The following RP1 variants were observed in gnomAD, a reference collection of about 807,000 sequenced individuals.
RP1 encodes RP1 axonemal microtubule associated.
RP1 carries 16 observed loss-of-function variants against 14.8 expected under a neutral mutation model. That is an observed-to-expected ratio of 1.08 (90% CI 0.73 to 1.65). The LOEUF (loss-of-function observed/expected upper bound fraction) is 1.65, where lower values mean the gene tolerates loss of function less well. RP1 is among the 40% of genes most tolerant of loss of function. The pLI is 0.00. For synonymous variants in RP1, 876 were observed against 883.6 expected (o/e 0.99, Z 0.15); for missense variants, 2,631 against 2,535.0 (o/e 1.04, Z -0.81).
chr8:54,758,688 G>A lies in RP1; in HGVS notation c.3094-234G>A, dbSNP rs368184770. Among the ~76,000 whole-genome samples, 90 of 152,254 alleles carry A rather than the reference G, an allele frequency of 5.9e-4. 1 individual carries two copies. Among genetic ancestry groups the A allele is most frequent in the African/African-American group, 1.7e-3 (70 of 41,544 alleles). The stretch of plus-strand genomic sequence containing the variant: ...GTTACTCTGGATGCTACTACAAATG[G>A]AGAAAATAAAACTGCAAGAGTGAAA... On this transcript the variant is annotated intron_variant, in intron 21 of 22. Transcript: ENST00000636932.
At chr8:54,720,005 A>C (rs1482082216) in intron 15 of RP1, 2 of 787,642 alleles carry the variant, frequency 2.5e-6, no homozygotes, top group East Asian at 2.8e-5. Flanking sequence ...TTACGTAAAA[A>C]GGCTCTAGAT....
chr8:54,722,838 G>A (rs1808568411), intron 16 of RP1, among the ~76,000 whole-genome samples: 1 of 152,148 alleles, frequency 6.6e-6, no homozygotes, highest in African/African-American at 2.4e-5. Flanking sequence ...GTTGCCCCCA[G>A]ACATGCAATC....
intron 19 of RP1, among the ~76,000 whole-genome samples, chr8:54,749,732 C>A (rs1809312790): frequency 6.6e-6 from 1 of 152,050 alleles, no homozygotes; most frequent in South Asian, 2.1e-4. Flanking sequence ...TTAGGGAAAG[C>A]AGACAAGGAT....
At chr8:54,837,676 A>C in intron 25 of RP1, 4 of 1,216,424 alleles carry the variant, frequency 3.3e-6, no homozygotes, top group Non-Finnish European at 4.1e-6. Context: ...CCAGGTATAT[A>C]ATTTCATTTC....
chr8:54,695,307 A>C (rs984101679), intron 12 of RP1, among the ~76,000 whole-genome samples: 4 of 152,092 alleles, frequency 2.6e-5, no homozygotes, highest in Non-Finnish European at 5.9e-5. Flanking sequence ...TATTTATAAA[A>C]TACTTAACTG....
At chr8:54,602,562 TG>T (rs1805318141) in intron 1 of RP1, among the ~76,000 whole-genome samples, 1 of 152,196 alleles carries the variant, frequency 6.6e-6, no homozygotes, top group South Asian at 2.1e-4. Context: ...AGTAATGGGA[TG>T]GCTGGGTCAA....
intron 1 of RP1, among the ~76,000 whole-genome samples, chr8:54,585,287 T>A (rs962873276): frequency 8.5e-5 from 13 of 152,330 alleles, no homozygotes; most frequent in African/African-American, 2.6e-4. Flanking sequence ...AAATTCTGGG[T>A]TGAAAATTCT....
At chr8:54,863,419 G>A (rs1006809115) in intron 27 of RP1, among the ~76,000 whole-genome samples, 2 of 152,058 alleles carry the variant, frequency 1.3e-5, no homozygotes, top group Admixed American at 6.6e-5. Flanking sequence ...ACCTAATGAC[G>A]CCTTTCTCAG....
chr8:54,807,913 C>A (rs1810897169), intron 24 of RP1, among the ~76,000 whole-genome samples: 1 of 151,692 alleles, frequency 6.6e-6, no homozygotes. Context: ...TTTGATGAGA[C>A]CCGTCCACAT....
intron 1 of RP1, among the ~76,000 whole-genome samples, chr8:54,584,614 C>T (rs140573279): frequency 0.021 from 3,184 of 152,104 alleles, 115 homozygotes; most frequent in African/African-American, 0.072. Flanking sequence ...TAAAGTCTCC[C>T]GTTATTATTG....
At chr8:54,584,014 G>A (rs1173534157) in intron 1 of RP1, among the ~76,000 whole-genome samples, 1 of 151,952 alleles carries the variant, frequency 6.6e-6, no homozygotes, top group Non-Finnish European at 1.5e-5. Context: ...GTTCTTCTCT[G>A]ATCTTAGTTA....
intron 1 of RP1, among the ~76,000 whole-genome samples, chr8:54,579,541 A>AT (rs1804732855): frequency 6.6e-6 from 1 of 152,128 alleles, no homozygotes; most frequent in Non-Finnish European, 1.5e-5. Flanking sequence ...GAGTCCTAAC[A>AT]TTCTCTTACA....
intron 1 of RP1, among the ~76,000 whole-genome samples, chr8:54,579,739 G>A (rs2129295979): frequency 6.6e-6 from 1 of 152,342 alleles, no homozygotes; most frequent in Admixed American, 6.5e-5. Context: ...AGTTAGAGAA[G>A]CAGGGACCTC....
chr8:54,838,646 T>C (rs1811722655), intron 25 of RP1, among the ~76,000 whole-genome samples: 2 of 152,232 alleles, frequency 1.3e-5, no homozygotes, highest in South Asian at 2.1e-4. Context: ...TGTGACACTA[T>C]GTATATGTGT....
At chr8:54,658,884 G>GT (rs34788930) in intron 6 of RP1, among the ~76,000 whole-genome samples, 60,443 of 145,460 alleles carry the variant, frequency 0.42, 13,396 homozygotes, top group African/African-American at 0.59. Context: ...CCCAACACTT[G>GT]TTTTTTTTTT....
chr8:54,608,334 A>G (rs564347325), intron 1 of RP1, among the ~76,000 whole-genome samples: 1 of 152,186 alleles, frequency 6.6e-6, no homozygotes, highest in South Asian at 2.1e-4. Context: ...TGGCATGGAA[A>G]TCATGTATCA....
intron 24 of RP1, among the ~76,000 whole-genome samples, chr8:54,819,591 T>C (rs1048945936): frequency 1.3e-5 from 2 of 152,162 alleles, no homozygotes; most frequent in Admixed American, 1.3e-4. Flanking sequence ...TGAGCTTCTC[T>C]GTACCTATTT....
In RP1 at chr8:54,741,707, GTATATATA is replaced by G. The variant is rs372225314; in HGVS notation, c.2808+2714_2808+2721del. Among the ~76,000 whole-genome samples, 376 of 58,040 alleles carry G rather than the reference GTATATATA, an allele frequency of 6.5e-3. 5 individuals are homozygous for G. The highest frequency in any genetic ancestry group is 0.018 in the African/African-American group (247 of 13,628). The allele number at this position is 58,040 out of a possible 152,430, so 38.1% of individuals were successfully genotyped here. On this transcript the variant is annotated intron_variant, in intron 19 of 22. Coordinates refer to the RP1 transcript ENST00000636932. ...TGTACATATAAATACAAATGTGTGT[GTATATATA>G]TATATATATATATATATATATATAT...
rs1554516310 is a variant in RP1, at chr8:54,581,017, T to TA, written c.-13+21698dup. 2.2e-4 allele frequency among the ~76,000 whole-genome samples: 34 copies of TA among 152,120 alleles called. No individual in the cohort carries two copies. The South Asian group carries it at 5.4e-3, about 24-fold the overall frequency. ...ATTTATTTATCTATTTATTTTTTTTTATTATACTTTAAGTTTTAAGGTATA... is the reference window on the plus strand; with the variant it reads ...ATTTATTTATCTATTTATTTTTTTTTAATTATACTTTAAGTTTTAAGGTATA... On this transcript the variant is annotated intron_variant, in intron 1 of 22. Transcript: ENST00000636932.
Sources: gnomAD v4.1 joint callset for allele counts (sites outside exome capture counted in the v4.1 genomes callset) on GRCh38, gnomAD v4.1.1 for gene constraint, MANE v1.5 for transcripts, NCBI Gene and HGNC (gene_info 2026-07-23, HGNC 2026-07-21) for gene names.